The following RYR2 variants were observed in gnomAD, a reference collection of about 807,000 sequenced individuals.
RYR2 encodes the protein cardiac muscle ryanodine receptor-calcium release channel.
A neutral mutation model predicts 601.1 loss-of-function variants in RYR2; 227 were observed. That is an observed-to-expected ratio of 0.38 (90% CI 0.34 to 0.42). RYR2 has a LOEUF of 0.42. Among genes scored for constraint, RYR2 ranks in the 10% least tolerant of loss-of-function variants. The probability of loss-of-function intolerance (pLI) is 1.00; values close to 1 mark genes in which losing one functional copy is unlikely to be tolerated. For synonymous variants in RYR2, 2,223 were observed against 2,175.1 expected (o/e 1.02, Z -0.61); for missense variants, 4,646 against 6,156.5 (o/e 0.75, Z 8.21).
intron 17 of RYR2, among the ~76,000 whole-genome samples, chr1:237,489,765 C>T (rs1377616867): frequency 1.3e-5 from 2 of 152,172 alleles, no homozygotes; most frequent in African/African-American, 4.8e-5. Flanking sequence ...TACCATTTGA[C>T]CCAGGAAGCC....
chr1:237,103,992 CTG>C, intron 1 of RYR2, among the ~76,000 whole-genome samples: 1 of 149,272 alleles, frequency 6.7e-6, no homozygotes, highest in East Asian at 1.9e-4. Flanking sequence ...CTTTATCAGT[CTG>C]TGTCATCCCG....
At chr1:237,776,639 TTCTC>T (rs3835527) in intron 87 of RYR2, among the ~76,000 whole-genome samples, 56 of 149,686 alleles carry the variant, frequency 3.7e-4, no homozygotes, top group Non-Finnish European at 5.9e-4. Context: ...CTGAAGGTTC[TTCTC>T]TCTCTCTCTC....
intron 29 of RYR2, among the ~76,000 whole-genome samples, chr1:237,589,440 T>C (rs1488934371): frequency 6.6e-6 from 1 of 152,084 alleles, no homozygotes; most frequent in Non-Finnish European, 1.5e-5. Flanking sequence ...TTTCCCTATA[T>C]GAGAGAGTAC....
rs982908819 is a variant in RYR2 at position 237,463,203 on chromosome 1, G to A, written c.1613-5889G>A. ...TTAGCCCCTCATTTTTCTGTGCTGC[G>A]TAGGGCCTGTTCACTTAGTGTTTCC... On this transcript the variant is annotated intron_variant, in intron 16 of 104. Coordinates refer to ENST00000366574, the MANE Select transcript of RYR2 (RefSeq NM_001035.3). Among the ~76,000 whole-genome samples, 6 of 151,994 alleles carry A rather than the reference G, an allele frequency of 3.9e-5. No individual in the cohort carries two copies. The South Asian group carries it at 6.2e-4, about 16-fold the overall frequency.
chr1:237,462,007 A>G (rs1253104328), intron 16 of RYR2, among the ~76,000 whole-genome samples: 1 of 152,198 alleles, frequency 6.6e-6, no homozygotes, highest in Non-Finnish European at 1.5e-5. Context: ...CATTGTAATC[A>G]TAAGATAGCC....
At chr1:237,047,999 G>A (rs561890675) in intron 1 of RYR2, among the ~76,000 whole-genome samples, 3 of 152,292 alleles carry the variant, frequency 2.0e-5, no homozygotes, top group East Asian at 1.9e-4. Flanking sequence ...GAAACCCACC[G>A]TAGATTCGAC....
intron 42 of RYR2, among the ~76,000 whole-genome samples, chr1:237,632,644 C>T (rs142862036): frequency 0.017 from 2,632 of 152,076 alleles, 69 homozygotes; most frequent in African/African-American, 0.057. Context: ...GATCTTCCTG[C>T]CTTGGCCTCC....
chr1:237,687,580 C>T (rs1686542331), intron 63 of RYR2, 76 bp downstream of exon 63: 9 of 1,099,204 alleles, frequency 8.2e-6, no homozygotes, highest in Non-Finnish European at 1.2e-5. Flanking sequence ...GTGTTGTGTG[C>T]TGCTATGTTG....
chr1:237,339,633 A>G (rs988392066), intron 3 of RYR2, among the ~76,000 whole-genome samples: 1 of 152,140 alleles, frequency 6.6e-6, no homozygotes, highest in Admixed American at 6.6e-5. Flanking sequence ...AAAAATCAGG[A>G]CACAAAATGT....
intron 10 of RYR2, among the ~76,000 whole-genome samples, chr1:237,402,101 A>C (rs1002714496): frequency 6.6e-6 from 1 of 152,208 alleles, no homozygotes; most frequent in Admixed American, 6.5e-5. Flanking sequence ...TTAATTAAAA[A>C]TATTTATGAT....
chr1:237,276,582 C>G (rs1690310012), intron 2 of RYR2, among the ~76,000 whole-genome samples: 1 of 151,784 alleles, frequency 6.6e-6, no homozygotes, highest in Non-Finnish European at 1.5e-5. Context: ...ATAGACAAAC[C>G]ATGAATTAGC....
Position 237,784,015 on chromosome 1 carries a change from T to C in RYR2, c.12303T>C (p.Leu4101=). The C allele has an allele frequency of 6.2e-7, 1 of 1,613,994 alleles. No individual in the cohort carries two copies. Among genetic ancestry groups the C allele is most frequent in the East Asian group, 2.2e-5 (1 of 44,854 alleles). Residue 4101 remains leucine, a synonymous_variant, in exon 90 of 105, where the codon CTT becomes CTC. Transcript: ENST00000366574. This position sits in a 1 kb window ranked among gnomAD's most constrained non-coding sequence, Gnocchi z 7.1. The part of the protein sequence containing the change: ...AKDIGFNVAV[L]LTNLSEHMPN... The stretch of plus-strand genomic sequence containing the variant: ...ACATCGGCTTCAACGTCGCCGTCCT[T>C]CTGACAAACCTCTCTGAGCACATGC...
At chr1:237,617,548 G>C in intron 38 of RYR2, 62 bp downstream of exon 38, 1 of 1,504,456 alleles carries the variant, frequency 6.6e-7, no homozygotes, top group Non-Finnish European at 9.1e-7. Flanking sequence ...CAGGATCTCT[G>C]CCTTGCAAAA....
At chr1:237,808,404 T>C (rs1292273526) in intron 99 of RYR2, among the ~76,000 whole-genome samples, 1 of 152,140 alleles carries the variant, frequency 6.6e-6, no homozygotes, top group African/African-American at 2.4e-5. Context: ...CTCACGCCTG[T>C]AATCCCAGCA....
chr1:237,532,108 T>G (rs1296021132), intron 25 of RYR2, among the ~76,000 whole-genome samples: 1 of 151,716 alleles, frequency 6.6e-6, no homozygotes, highest in Non-Finnish European at 1.5e-5. Context: ...TAAGTTAAAA[T>G]TTTCCTCCTG....
intron 29 of RYR2, among the ~76,000 whole-genome samples, chr1:237,579,248 CTTTTTTT>C (rs546960253): frequency 8.8e-5 from 6 of 68,108 alleles, no homozygotes; most frequent in South Asian, 1.3e-3. Context: ...TCTTCTTCTT[CTTTTTTT>C]TTTTTTTTTT....
At chr1:237,565,190 T>TCTTTCTCTTTCTTTCTTTCTTTCTTC (rs1671910662) in intron 27 of RYR2, among the ~76,000 whole-genome samples, 1 of 87,996 alleles carries the variant, frequency 1.1e-5, no homozygotes, top group Non-Finnish European at 2.7e-5. Flanking sequence ...TTTCTTTCTT[T>TCTTTCTCTTTCTTTCTTTCTTTCTTC]CTTTCTTTCT....
intron 37 of RYR2, 82 bp from the exon 38 acceptor site, chr1:237,617,204 A>G: frequency 7.9e-7 from 1 of 1,267,826 alleles, no homozygotes; most frequent in Non-Finnish European, 1.1e-6. Flanking sequence ...GCAACTAAGG[A>G]TGTTTACCAC....
chr1:237,651,651 A>G (rs1378780560), intron 51 of RYR2, 150 bp downstream of exon 51: 3 of 563,654 alleles, frequency 5.3e-6, no homozygotes, highest in Non-Finnish European at 9.4e-6. Context: ...ATAGGAATGT[A>G]TACATCAACT....
Sources: gnomAD v4.1 joint callset for allele counts (sites outside exome capture counted in the v4.1 genomes callset) on GRCh38, gnomAD v4.1.1 for gene constraint, Gnocchi (gnomAD v3.1) non-coding constraint, MANE v1.5 for transcripts, NCBI Gene and HGNC (gene_info 2026-07-23, HGNC 2026-07-21) for gene names.